The following RBPMS variants were observed in gnomAD, a reference collection of about 807,000 sequenced individuals.
RBPMS encodes the protein RNA binding protein, mRNA processing factor.
RBPMS carries 7 observed loss-of-function variants against 26.8 expected under a neutral mutation model. That is an observed-to-expected ratio of 0.26 (90% CI 0.15 to 0.49). RBPMS has a LOEUF of 0.49. Ranked by LOEUF, RBPMS falls within the 20% of genes least tolerant of loss-of-function variation. The probability of loss-of-function intolerance (pLI) is 0.98; values close to 1 mark genes in which losing one functional copy is unlikely to be tolerated. For missense variants in RBPMS, 186 were observed against 250.0 expected, an observed-to-expected ratio of 0.74 and a Z score of 1.73; for synonymous variants, 96 against 93.3, an observed-to-expected ratio of 1.03 and a Z score of -0.17.
chr8:30,499,533 A>G (rs1820332869), intron 4 of RBPMS, among the ~76,000 whole-genome samples: 1 of 152,112 alleles, frequency 6.6e-6, no homozygotes, highest in Admixed American at 6.6e-5. Flanking sequence ...GTGCCTCTTG[A>G]TATTATGCAC....
chr8:30,507,408 A>G (rs1379411132), intron 5 of RBPMS, among the ~76,000 whole-genome samples: 2 of 152,228 alleles, frequency 1.3e-5, no homozygotes, highest in Non-Finnish European at 2.9e-5. Context: ...GTAAAGTACA[A>G]TCATAATTTG....
At chr8:30,561,062 TA>T (rs1827436307) in intron 7 of RBPMS, among the ~76,000 whole-genome samples, 1 of 152,212 alleles carries the variant, frequency 6.6e-6, no homozygotes, top group African/African-American at 2.4e-5. Context: ...TAGGAAATGG[TA>T]ATTGTCTCTT....
intron 7 of RBPMS, among the ~76,000 whole-genome samples, chr8:30,560,112 T>C (rs1321737416): frequency 6.6e-6 from 1 of 152,112 alleles, no homozygotes; most frequent in East Asian, 1.9e-4. Flanking sequence ...TGCCTGTCAG[T>C]GAAGAAGAAA....
chr8:30,557,317 A>G (rs763343690), intron 6 of RBPMS, among the ~76,000 whole-genome samples: 5 of 152,190 alleles, frequency 3.3e-5, no homozygotes, highest in African/African-American at 7.2e-5. Flanking sequence ...TGCTCGGACC[A>G]GGGACAAGGT....
At chr8:30,455,858 C>T (rs962034704) in intron 1 of RBPMS, among the ~76,000 whole-genome samples, 12 of 151,848 alleles carry the variant, frequency 7.9e-5, no homozygotes, top group African/African-American at 2.7e-4. Flanking sequence ...CCACTGCACT[C>T]GAGCCTGGGC....
At chr8:30,412,714 A>G (rs1422295958) in intron 1 of RBPMS, among the ~76,000 whole-genome samples, 1 of 152,232 alleles carries the variant, frequency 6.6e-6, no homozygotes, top group Non-Finnish European at 1.5e-5. Flanking sequence ...AAAATAGTAG[A>G]TAAAACATTC....
chr8:30,464,202 G>A (rs1326958378), intron 1 of RBPMS, among the ~76,000 whole-genome samples: 1 of 151,964 alleles, frequency 6.6e-6, no homozygotes, highest in Non-Finnish European at 1.5e-5. Flanking sequence ...TGAATGATAC[G>A]GCCCTCTCTT....
At chr8:30,539,664 C>T (rs892676778) in intron 5 of RBPMS, among the ~76,000 whole-genome samples, 1 of 146,776 alleles carries the variant, frequency 6.8e-6, no homozygotes, top group Non-Finnish European at 1.5e-5. Context: ...CTCGCTCTGT[C>T]GCCCAGGCTG....
At chr8:30,527,825 A>C (rs1227061131) in intron 5 of RBPMS, among the ~76,000 whole-genome samples, 2 of 152,238 alleles carry the variant, frequency 1.3e-5, no homozygotes, top group African/African-American at 4.8e-5. Context: ...GAGAGATTAC[A>C]GTCAGCAGTC....
At chr8:30,548,033 TGAAA>T (rs1244235433) in intron 6 of RBPMS, among the ~76,000 whole-genome samples, 1 of 152,250 alleles carries the variant, frequency 6.6e-6, no homozygotes, top group African/African-American at 2.4e-5. Flanking sequence ...GTAATAGGAC[TGAAA>T]GCCTCAGTAC....
chr8:30,508,565 C>T (rs1298029996), intron 5 of RBPMS, among the ~76,000 whole-genome samples: 1 of 152,052 alleles, frequency 6.6e-6, no homozygotes, highest in Non-Finnish European at 1.5e-5. Context: ...AATTAAAAGA[C>T]CTGTAGTTTT....
intron 1 of RBPMS, among the ~76,000 whole-genome samples, chr8:30,466,617 C>T (rs574659344): frequency 6.6e-4 from 94 of 142,958 alleles, no homozygotes; most frequent in Non-Finnish European, 7.8e-4. Context: ...TTTTTTGAGA[C>T]GGAGTCTTGC....
chr8:30,504,179 C>A, intron 4 of RBPMS, 107 bp from the exon 5 acceptor site: 1 of 1,177,150 alleles, frequency 8.5e-7, no homozygotes, highest in East Asian at 2.3e-5. Flanking sequence ...TGGTTGCTGA[C>A]CTTTTTTCCT....
At chr8:30,541,123 T>C (rs1452377630) in intron 5 of RBPMS, among the ~76,000 whole-genome samples, 1 of 152,220 alleles carries the variant, frequency 6.6e-6, no homozygotes, top group Non-Finnish European at 1.5e-5. Context: ...TTAAAGATTC[T>C]CCTTGTTCTT....
chr8:30,490,707 C>T (rs1819297906), intron 4 of RBPMS, among the ~76,000 whole-genome samples: 1 of 152,124 alleles, frequency 6.6e-6, no homozygotes, highest in South Asian at 2.1e-4. Flanking sequence ...CCTCGTGATG[C>T]GCCCACCTCG....
At chr8:30,569,399 G>A (rs879246032) in intron 8 of RBPMS, among the ~76,000 whole-genome samples, 2 of 152,194 alleles carry the variant, frequency 1.3e-5, no homozygotes, top group Admixed American at 6.5e-5. Context: ...CCCCTGTGAG[G>A]AGCTCAGAGG....
intron 5 of RBPMS, among the ~76,000 whole-genome samples, chr8:30,529,675 T>C (rs936003163): frequency 1.1e-4 from 17 of 152,188 alleles, no homozygotes; most frequent in Non-Finnish European, 2.2e-4. Flanking sequence ...ATATTTGTCC[T>C]TTTGTGTCTG....
In RBPMS at chr8:30,488,359, C is replaced by G. The variant is rs192563023; in HGVS notation, c.246+8982C>G. Among the ~76,000 whole-genome samples, 301 of 152,236 alleles carry G rather than the reference C, an allele frequency of 2.0e-3. 1 individual carries two copies. The highest frequency in any genetic ancestry group is 7.1e-3 in the African/African-American group (295 of 41,544). The stretch of plus-strand genomic sequence containing the variant: ...ACACAAAGTAATTTCTGTATAATGT[C>G]TCACAGAATTTAGGTATTCACTTAG... On this transcript the variant is annotated intron_variant, in intron 4 of 8. Coordinates refer to ENST00000397323, the MANE Select transcript of RBPMS (RefSeq NM_001008710.3).
At chr8:30,534,570 G>A (rs1824606612) in intron 5 of RBPMS, among the ~76,000 whole-genome samples, 1 of 152,260 alleles carries the variant, frequency 6.6e-6, no homozygotes. Flanking sequence ...GAGTTGCTGA[G>A]TTCCTAGAGC....
Sources: allele counts gnomAD v4.1 joint callset (sites outside exome capture counted in the v4.1 genomes callset), GRCh38; gene constraint gnomAD v4.1.1; transcripts MANE v1.5; gene names NCBI Gene and HGNC (gene_info 2026-07-23, HGNC 2026-07-21).